Variants in NMRK1 observed in about 807,000 individuals in gnomAD.
The protein encoded by NMRK1 is nicotinamide riboside kinase 1.
Under a neutral mutation model 29.9 loss-of-function variants are expected in NMRK1, and 28 were observed. The observed-to-expected ratio is 0.94, with a 90% CI of 0.69 to 1.28. The LOEUF (loss-of-function observed/expected upper bound fraction) is 1.28, where lower values mean the gene tolerates loss of function less well. Among genes scored for constraint, NMRK1 ranks in the 50% most tolerant of loss-of-function variants. The pLI is 0.00. For synonymous variants in NMRK1, 58 were observed against 73.0 expected (o/e 0.79, Z 1.05); for missense variants, 218 against 233.1 (o/e 0.94, Z 0.42).
intron 7 of NMRK1, among the ~76,000 whole-genome samples, chr9:75,068,405 T>G (rs1481756301): frequency 6.6e-5 from 10 of 152,192 alleles, no homozygotes; most frequent in Admixed American, 2.6e-4. Context: ...TCCACTCCCC[T>G]GGTTTTCTTT....
chr9:75,076,232 A>G (rs1389750264), intron 4 of NMRK1, among the ~76,000 whole-genome samples: 2 of 152,270 alleles, frequency 1.3e-5, no homozygotes, highest in Non-Finnish European at 2.9e-5. Context: ...ATGTAATGGA[A>G]TATCATGCAG....
chr9:75,075,438 G>A (rs748440430), intron 4 of NMRK1, among the ~76,000 whole-genome samples: 20 of 152,146 alleles, frequency 1.3e-4, no homozygotes, highest in Non-Finnish European at 2.1e-4. Context: ...ACTATTATGT[G>A]TCTGTAAGAA....
At chr9:75,065,296 G>T (rs566051598) in intron 8 of NMRK1, among the ~76,000 whole-genome samples, 1 of 151,974 alleles carries the variant, frequency 6.6e-6, no homozygotes, top group East Asian at 1.9e-4. Context: ...CAGCCTCCCG[G>T]GTAGCTGGGA....
At chr9:75,067,327 GTGTATGTT>G (rs1823413534) in intron 7 of NMRK1, 1 of 103,694 alleles carries the variant, frequency 9.6e-6, no homozygotes, top group African/African-American at 4.3e-5. Flanking sequence ...TTGTGTGTGT[GTGTATGTT>G]TGTGTGTGTG....
intron 4 of NMRK1, among the ~76,000 whole-genome samples, chr9:75,074,387 GATTT>G (rs1031497746): frequency 6.7e-6 from 1 of 149,710 alleles, no homozygotes. Flanking sequence ...ACCATCTTTT[GATTT>G]ATTTATTTAT....
intron 8 of NMRK1, among the ~76,000 whole-genome samples, chr9:75,064,929 G>A (rs1823251507): frequency 6.6e-6 from 1 of 152,150 alleles, no homozygotes; most frequent in Non-Finnish European, 1.5e-5. Context: ...CTACAGTTTT[G>A]TCCCTTAAGC....
intron 2 of NMRK1, among the ~76,000 whole-genome samples, chr9:75,080,053 T>C (rs1824228890): frequency 6.6e-6 from 1 of 152,202 alleles, no homozygotes; most frequent in Non-Finnish European, 1.5e-5. Flanking sequence ...GCTCATTGTA[T>C]TTGGACATAA....
In NMRK1 at chr9:75,077,565, G is replaced by T. The variant is rs1347083785; in HGVS notation, c.45C>A (p.Gly15=). 4.3e-6 allele frequency: 7 copies of T among 1,612,812 alleles called. No homozygotes were observed. The highest frequency in any genetic ancestry group is 5.9e-6 in the Non-Finnish European group (7 of 1,178,972). The stretch of plus-strand genomic sequence containing the variant: ...GCAAATTCTTAGCCAGTGTTGTTTT[G>T]CCACTGTTTGTCACACTGAAGCAAA... ...IIGISGVTNS[G]KTTLAKNLQK... Residue 15 remains glycine (G), a synonymous_variant, in exon 3 of 9, where the codon GGC becomes GGA. Transcript: ENST00000361092.
intron 2 of NMRK1, chr9:75,078,728 C>A (rs911055843): frequency 7.0e-5 from 17 of 243,410 alleles, no homozygotes; most frequent in Admixed American, 3.4e-4. Flanking sequence ...CAAGAGAAAT[C>A]ACAGATGTTT....
chr9:75,082,006 G>A (rs1171659294), intron 2 of NMRK1, among the ~76,000 whole-genome samples: 2 of 152,140 alleles, frequency 1.3e-5, no homozygotes, highest in Non-Finnish European at 2.9e-5. Context: ...TTTTCCCGCA[G>A]CCTGCTACCC....
At chr9:75,069,303 G>A (rs1564128713) in intron 6 of NMRK1, 1 of 544,442 alleles carries the variant, frequency 1.8e-6, no homozygotes, top group Middle Eastern at 4.8e-4. Context: ...AATTAACTTT[G>A]TAATCCACTG....
intron 8 of NMRK1, among the ~76,000 whole-genome samples, chr9:75,063,873 C>T (rs564768217): frequency 1.8e-4 from 27 of 152,188 alleles, no homozygotes; most frequent in African/African-American, 6.3e-4. Context: ...AGAAATAAAA[C>T]AGTAACTTAT....
At chr9:75,080,525 G>T (rs1362791677) in intron 2 of NMRK1, among the ~76,000 whole-genome samples, 1 of 152,168 alleles carries the variant, frequency 6.6e-6, no homozygotes, top group East Asian at 1.9e-4. Context: ...GGTGGTGCAT[G>T]CCTGTAGTCC....
At chr9:75,073,685 G>A (rs971663506) in intron 4 of NMRK1, among the ~76,000 whole-genome samples, 9 of 152,154 alleles carry the variant, frequency 5.9e-5, no homozygotes, top group Non-Finnish European at 1.3e-4. Context: ...GTTGCAGTGA[G>A]CCAAGATCAC....
At chr9:75,064,973 C>T (rs1218362008) in intron 8 of NMRK1, among the ~76,000 whole-genome samples, 1 of 152,128 alleles carries the variant, frequency 6.6e-6, no homozygotes, top group African/African-American at 2.4e-5. Flanking sequence ...TGGTTTCTAC[C>T]TCCTGCCCTG....
chr9:75,070,050 CA>C lies in NMRK1; in HGVS notation c.170-9del. 1 of 1,603,376 alleles carries C rather than the reference CA, an allele frequency of 6.2e-7. No individual in the cohort carries two copies. Among genetic ancestry groups the C allele is most frequent in the Non-Finnish European group, 8.5e-7 (1 of 1,176,790 alleles). On this transcript the variant is annotated splice_polypyrimidine_tract_variant and intron_variant, in intron 4 of 8. Transcript: ENST00000361092. ...TGTTAAGTGCTTCAAGCACTTCAAA[CA>C]AACACACAAAAATATGCAATCAATA...
chr9:75,082,600 A>G (rs562396673), intron 2 of NMRK1: 1 of 155,568 alleles, frequency 6.4e-6, no homozygotes. Flanking sequence ...TTTGAGAGAA[A>G]GAGAGGTGCA....
chr9:75,071,899 A>G (rs1483092791), intron 4 of NMRK1, among the ~76,000 whole-genome samples: 1 of 152,188 alleles, frequency 6.6e-6, no homozygotes, highest in Non-Finnish European at 1.5e-5. Flanking sequence ...CCACCTGAGT[A>G]CTGCCAGGTG....
rs536047048 is a variant in NMRK1, at chr9:75,069,916, C to T, written c.296G>A (p.Gly99Asp). Residue 99 changes from glycine (G) to aspartate (D), a missense_variant, in exon 5 of 9, where the codon GGT (glycine) becomes GAT (aspartate). Physicochemically the swap from Gly to Asp is moderately conservative, Grantham distance 94. Coordinates refer to ENST00000361092, the MANE Select transcript of NMRK1 (RefSeq NM_017881.3). ...TTACTTATAATTAAAAAGAAGAAAA[C>T]CTTCGATGATTAAAATGGGAATTTC... ...AEEIPILIIE[G>D]FLLFNYKPLD... 5 of 1,613,796 alleles carry T rather than the reference C, an allele frequency of 3.1e-6. No homozygotes were observed. Among genetic ancestry groups the T allele is most frequent in the South Asian group, 1.1e-5 (1 of 91,002 alleles).
Sources: allele counts gnomAD v4.1 joint callset (sites outside exome capture counted in the v4.1 genomes callset), GRCh38; gene constraint gnomAD v4.1.1; transcripts MANE v1.5; gene names NCBI Gene and HGNC (gene_info 2026-07-23, HGNC 2026-07-21).